ZNF169: variants seen among roughly 807,000 people sequenced by gnomAD.
The protein encoded by ZNF169 is zinc finger protein 169.
ZNF169 carries 11 observed loss-of-function variants against 12.0 expected under a neutral mutation model. The observed-to-expected ratio is 0.92, with a 90% CI of 0.58 to 1.52. ZNF169 has a LOEUF of 1.52. Ranked by LOEUF, ZNF169 falls within the 40% of genes most tolerant of loss-of-function variation. The pLI, the probability that ZNF169 is intolerant of heterozygous loss-of-function variation, is 0.00. For synonymous variants in ZNF169, 302 were observed against 286.5 expected (o/e 1.05, Z -0.55); for missense variants, 722 against 744.0 (o/e 0.97, Z 0.34).
intron 2 of ZNF169, among the ~76,000 whole-genome samples, chr9:94,291,567 A>C (rs1481201401): frequency 6.6e-6 from 1 of 152,194 alleles, no homozygotes; most frequent in Non-Finnish European, 1.5e-5. Flanking sequence ...TATGTAGAAA[A>C]TCTCAAGGAA....
At chr9:94,294,328 C>T (rs1830908337) in intron 4 of ZNF169, 1 of 152,136 alleles carries the variant, frequency 6.6e-6, no homozygotes, top group Non-Finnish European at 1.5e-5. Flanking sequence ...ATCTTAGCTA[C>T]TTGGGAGGCT....
intron 2 of ZNF169, among the ~76,000 whole-genome samples, chr9:94,291,919 A>T (rs1428060522): frequency 6.6e-6 from 1 of 152,270 alleles, no homozygotes; most frequent in African/African-American, 2.4e-5. Context: ...TACAGGTTTA[A>T]TGGGAATCCT....
intron 2 of ZNF169, among the ~76,000 whole-genome samples, chr9:94,284,451 TAGA>T (rs1389248850): frequency 3.3e-5 from 5 of 152,066 alleles, no homozygotes; most frequent in African/African-American, 9.6e-5. Flanking sequence ...ATAAAATAGT[TAGA>T]AGAAACTAGC....
rs757479892 is a variant in ZNF169 at position 94,300,909 on chromosome 9, A to G, written c.1351A>G (p.Thr451Ala). 5.0e-6 allele frequency: 8 copies of G among 1,612,000 alleles called. No individual in the cohort carries two copies. In the African/African-American group the frequency reaches 9.4e-5, roughly 19 times the overall value. ...QKVTLIGHQR[T>A]HTGEKPYLCP... ...GGTCACCCTCATTGGACACCAGAGG[A>G]CACACACAGGGGAGAAGCCCTACCT... The change falls in exon 5 of 5, where the codon ACA (threonine) becomes GCA (alanine). Residue 451 changes from threonine (T) to alanine (A), a missense_variant. Physicochemically the swap from Thr to Ala is moderately conservative, Grantham distance 58 (BLOSUM62 0). Coordinates refer to ENST00000395395, the MANE Select transcript of ZNF169 (RefSeq NM_194320.4).
intron 2 of ZNF169, among the ~76,000 whole-genome samples, chr9:94,280,346 A>G (rs1830606037): frequency 6.6e-6 from 1 of 152,116 alleles, no homozygotes; most frequent in African/African-American, 2.4e-5. Context: ...GCACTTTACT[A>G]TGTATGTTAA....
intron 1 of ZNF169, among the ~76,000 whole-genome samples, chr9:94,273,579 C>CTTT (rs56165942): frequency 1.2e-4 from 14 of 119,150 alleles, no homozygotes; most frequent in East Asian, 4.6e-4. Context: ...TTCTTTCTTT[C>CTTT]TTTTTTTTTT....
rs369505144 is a variant in ZNF169, at chr9:94,270,950, A to T, written c.-55-7808A>T. On this transcript the variant is annotated intron_variant, in intron 1 of 4. Coordinates refer to ENST00000395395, the MANE Select transcript of ZNF169 (RefSeq NM_194320.4). ...TAAATAATATATAATATATTATATA[A>T]ATATATAAATAATATATTATATATT... Among the ~76,000 whole-genome samples the T allele has an allele frequency of 5.2e-3, 11 of 2,134 alleles. 1 individual carries two copies. Among genetic ancestry groups the T allele is most frequent in the African/African-American group, 8.8e-3 (4 of 456 alleles). 1.4% of individuals were successfully genotyped at this position (2,134 alleles called of 152,430 possible). A position where few individuals can be genotyped will look rare whatever the true frequency, so the allele number is the denominator to read the frequency against.
At chr9:94,299,538 G>A (rs976534793) in intron 4 of ZNF169, 5 of 1,332,552 alleles carry the variant, frequency 3.8e-6, no homozygotes, top group Non-Finnish European at 4.8e-6. Flanking sequence ...TGGAGCAAAA[G>A]CAAGGGAGCG....
At chr9:94,297,543 G>A (rs1488903897) in intron 4 of ZNF169, among the ~76,000 whole-genome samples, 1 of 152,176 alleles carries the variant, frequency 6.6e-6, no homozygotes, top group Non-Finnish European at 1.5e-5. Flanking sequence ...CAGATGGAAT[G>A]TGAATGGCAA....
chr9:94,286,090 A>G (rs1830715218), intron 2 of ZNF169, among the ~76,000 whole-genome samples: 1 of 152,030 alleles, frequency 6.6e-6, no homozygotes, highest in Non-Finnish European at 1.5e-5. Flanking sequence ...TCTTTATGAG[A>G]TCTGGGCTTT....
chr9:94,269,292 C>T (rs1264707074), intron 1 of ZNF169, among the ~76,000 whole-genome samples: 1 of 152,162 alleles, frequency 6.6e-6, no homozygotes, highest in Non-Finnish European at 1.5e-5. Flanking sequence ...AGCGAGCCCT[C>T]TTGCTTCCCT....
At chr9:94,261,143 G>C (rs1434643016) in intron 1 of ZNF169, among the ~76,000 whole-genome samples, 1 of 151,990 alleles carries the variant, frequency 6.6e-6, no homozygotes, top group Non-Finnish European at 1.5e-5. Context: ...CCGGGTTCAA[G>C]GTATTCTCCT....
intron 2 of ZNF169, among the ~76,000 whole-genome samples, chr9:94,283,452 C>A (rs1354824278): frequency 6.6e-6 from 1 of 152,082 alleles, no homozygotes; most frequent in African/African-American, 2.4e-5. Context: ...AGGCCTCTGT[C>A]CTTCCCCAAA....
chr9:94,292,233 T>G, intron 2 of ZNF169, 108 bp from the exon 3 acceptor site: 1 of 1,589,832 alleles, frequency 6.3e-7, no homozygotes, highest in African/African-American at 1.3e-5. Flanking sequence ...TAAATCTCAC[T>G]TGGGTGCTCT....
chr9:94,290,411 C>T (rs1830805409), intron 2 of ZNF169, among the ~76,000 whole-genome samples: 1 of 152,084 alleles, frequency 6.6e-6, no homozygotes, highest in Non-Finnish European at 1.5e-5. Context: ...CCCATCCCCA[C>T]TCCCCCCAGC....
chr9:94,270,260 C>G (rs1409976786), intron 1 of ZNF169, among the ~76,000 whole-genome samples: 1 of 152,130 alleles, frequency 6.6e-6, no homozygotes, highest in Non-Finnish European at 1.5e-5. Flanking sequence ...TTGCCTCATT[C>G]TTGCCAACAC....
chr9:94,300,196 T>TA lies in ZNF169; in HGVS notation c.639dup (p.Arg214ThrfsTer5), dbSNP rs781342137. ...GACACTTCAGAATCTGGAGCAGTCA[T>TA]ACGTGGAAACTATAGACTGGGACTT... On this transcript the variant is annotated frameshift_variant, in exon 5 of 5. Coordinates refer to ENST00000395395, the MANE Select transcript of ZNF169 (RefSeq NM_194320.4). LOFTEE classifies it low-confidence loss of function (END_TRUNC). 3.7e-6 allele frequency: 6 copies of TA among 1,614,182 alleles called. No homozygotes were observed. Among genetic ancestry groups the TA allele is most frequent in the Non-Finnish European group, 5.1e-6 (6 of 1,180,030 alleles).
chr9:94,291,532 C>G (rs1462350893), intron 2 of ZNF169, among the ~76,000 whole-genome samples: 1 of 151,948 alleles, frequency 6.6e-6, no homozygotes, highest in Non-Finnish European at 1.5e-5. Context: ...TGAAACTGTT[C>G]CTATTTGCAG....
intron 1 of ZNF169, among the ~76,000 whole-genome samples, chr9:94,269,771 A>G (rs555312829): frequency 6.6e-6 from 1 of 152,330 alleles, no homozygotes; most frequent in African/African-American, 2.4e-5. Context: ...CTTCTAAGCT[A>G]TATGTCTACA....
Sources: allele counts gnomAD v4.1 joint callset (sites outside exome capture counted in the v4.1 genomes callset), GRCh38; gene constraint gnomAD v4.1.1; transcripts MANE v1.5; gene names NCBI Gene and HGNC (gene_info 2026-07-23, HGNC 2026-07-21).